SEMA3A: variants seen among roughly 807,000 people sequenced by gnomAD.
SEMA3A encodes semaphorin-3A.
In SEMA3A, 29 loss-of-function variants were observed where a neutral mutation model predicts 97.9. The observed-to-expected ratio is 0.30, with a 90% confidence interval of 0.22 to 0.40. SEMA3A has a LOEUF of 0.40. Ranked by LOEUF, SEMA3A falls within the 10% of genes least tolerant of loss-of-function variation. The pLI, the probability that SEMA3A is intolerant of heterozygous loss-of-function variation, is 1.00. For synonymous variants in SEMA3A, 321 were observed against 323.7 expected (o/e 0.99, Z 0.09); for missense variants, 763 against 951.3 (o/e 0.80, Z 2.60).
At chr7:84,415,727 C>A (rs1804415666) in intron 1 of SEMA3A, among the ~76,000 whole-genome samples, 1 of 151,846 alleles carries the variant, frequency 6.6e-6, no homozygotes, top group Non-Finnish European at 1.5e-5. Context: ...GGCATTTTTT[C>A]TTATATATAT....
intron 2 of SEMA3A, among the ~76,000 whole-genome samples, chr7:84,341,295 G>A (rs1288827433): frequency 6.6e-6 from 1 of 152,178 alleles, no homozygotes; most frequent in Non-Finnish European, 1.5e-5. Context: ...TTTCTTATGT[G>A]TGAAATATTG....
intron 1 of SEMA3A, among the ~76,000 whole-genome samples, chr7:84,177,243 G>A (rs1362067227): frequency 1.3e-5 from 2 of 152,080 alleles, no homozygotes; most frequent in Non-Finnish European, 2.9e-5. Context: ...TATGGCTCAT[G>A]AAGTTTATTT....
At chr7:84,323,545 AAG>A (rs1347969779) in intron 2 of SEMA3A, among the ~76,000 whole-genome samples, 1 of 152,166 alleles carries the variant, frequency 6.6e-6, no homozygotes, top group South Asian at 2.1e-4. Flanking sequence ...GCAATGTACA[AAG>A]AGTGAAAACG....
At chr7:84,440,232 C>A (rs1264208586) in intron 1 of SEMA3A, among the ~76,000 whole-genome samples, 2 of 152,160 alleles carry the variant, frequency 1.3e-5, no homozygotes, top group Non-Finnish European at 2.9e-5. Context: ...TTACATCTTT[C>A]AGGGGAAGAC....
chr7:84,094,229 C>T (rs1473904096), intron 4 of SEMA3A, among the ~76,000 whole-genome samples: 1 of 151,988 alleles, frequency 6.6e-6, no homozygotes. Flanking sequence ...GAGAAAAGTC[C>T]ACTTAGTTCA....
At chr7:84,170,076 A>ATTTCAGT (rs2116199616) in intron 1 of SEMA3A, among the ~76,000 whole-genome samples, 1 of 152,092 alleles carries the variant, frequency 6.6e-6, no homozygotes, top group East Asian at 1.9e-4. Flanking sequence ...GCACACTGCA[A>ATTTCAGT]TTTCAGTTTT....
intron 3 of SEMA3A, among the ~76,000 whole-genome samples, chr7:84,267,414 T>C (rs992095044): frequency 1.2e-4 from 18 of 152,164 alleles, no homozygotes; most frequent in African/African-American, 3.9e-4. Context: ...TCCCAGAACG[T>C]ATTACTTTTG....
At chr7:84,337,851 C>T (rs988250704) in intron 2 of SEMA3A, among the ~76,000 whole-genome samples, 1 of 152,040 alleles carries the variant, frequency 6.6e-6, no homozygotes, top group Non-Finnish European at 1.5e-5. Flanking sequence ...CAAAAGCATA[C>T]ATAATTGCCT....
At chr7:84,403,772 C>A (rs1025509585) in intron 1 of SEMA3A, among the ~76,000 whole-genome samples, 19 of 152,118 alleles carry the variant, frequency 1.2e-4, no homozygotes, top group Admixed American at 7.9e-4. Flanking sequence ...CTGCTGATAC[C>A]CAGGCAAACA....
intron 3 of SEMA3A, among the ~76,000 whole-genome samples, chr7:84,290,929 C>A (rs868374874): frequency 6.6e-6 from 1 of 152,018 alleles, no homozygotes; most frequent in African/African-American, 2.4e-5. Flanking sequence ...TATTGTATTT[C>A]TTTTACTTTG....
chr7:84,040,012 T>C (rs1026913681), intron 6 of SEMA3A, among the ~76,000 whole-genome samples: 1 of 152,012 alleles, frequency 6.6e-6, no homozygotes, highest in African/African-American at 2.4e-5. Context: ...TATGAACACA[T>C]ATTTTATCAA....
At chr7:84,103,753 A>T (rs1795025065) in intron 4 of SEMA3A, among the ~76,000 whole-genome samples, 1 of 144,628 alleles carries the variant, frequency 6.9e-6, no homozygotes, top group African/African-American at 2.9e-5. Context: ...AAAATAAAAC[A>T]TAGAACTAGA....
chr7:84,247,571 A>G (rs1799505240), intron 3 of SEMA3A, among the ~76,000 whole-genome samples: 2 of 152,200 alleles, frequency 1.3e-5, no homozygotes, highest in African/African-American at 4.8e-5. Context: ...ATAACTTCCC[A>G]ATATTTACAG....
At chr7:84,483,549 C>G (rs1251252174) in intron 1 of SEMA3A, among the ~76,000 whole-genome samples, 1 of 152,176 alleles carries the variant, frequency 6.6e-6, no homozygotes, top group African/African-American at 2.4e-5. Flanking sequence ...TGCCTGCTAG[C>G]ACCTGAGTTG....
chr7:84,268,549 T>C (rs1376932265), intron 3 of SEMA3A, among the ~76,000 whole-genome samples: 2 of 152,054 alleles, frequency 1.3e-5, no homozygotes, highest in Non-Finnish European at 2.9e-5. Context: ...TTTCCCTTTT[T>C]CTTTAGGATA....
At chr7:84,055,210 C>T (rs1792902795) in intron 5 of SEMA3A, among the ~76,000 whole-genome samples, 1 of 152,202 alleles carries the variant, frequency 6.6e-6, no homozygotes, top group Non-Finnish European at 1.5e-5. Flanking sequence ...GGCAGGCCTC[C>T]TTGAGCTGTG....
intron 3 of SEMA3A, among the ~76,000 whole-genome samples, chr7:84,299,292 C>A (rs1188193273): frequency 2.9e-5 from 3 of 103,530 alleles, no homozygotes; most frequent in African/African-American, 1.0e-4. Flanking sequence ...ATATATCTAT[C>A]TCCATATATA....
chr7:83,968,139 A>G (rs923215278), intron 15 of SEMA3A, among the ~76,000 whole-genome samples: 6 of 152,182 alleles, frequency 3.9e-5, no homozygotes, highest in African/African-American at 1.4e-4. Context: ...CAAAAACTCA[A>G]CTAAGGAAAT....
intron 1 of SEMA3A, among the ~76,000 whole-genome samples, chr7:84,380,275 A>G (rs780645517): frequency 2.6e-5 from 4 of 152,226 alleles, no homozygotes; most frequent in Non-Finnish European, 5.9e-5. Flanking sequence ...ATAAAAATGT[A>G]CATTGTCCCA....
Sources: allele counts gnomAD v4.1 joint callset (sites outside exome capture counted in the v4.1 genomes callset), GRCh38; gene constraint gnomAD v4.1.1; transcripts MANE v1.5; gene names NCBI Gene and HGNC (gene_info 2026-07-23, HGNC 2026-07-21).